CIT: variants seen among roughly 807,000 people sequenced by gnomAD.
CIT encodes citron Rho-interacting kinase.
Under a neutral mutation model 272.7 loss-of-function variants are expected in CIT, and 79 were observed. The observed-to-expected ratio is 0.29, with a 90% CI of 0.24 to 0.35. The LOEUF is 0.35. Ranked by LOEUF, CIT falls within the 10% of genes least tolerant of loss-of-function variation. CIT has a pLI of 1.00. For missense variants in CIT, 1,909 were observed against 2,618.3 expected (o/e 0.73, Z 5.91); for synonymous variants, 948 against 995.6 (o/e 0.95, Z 0.90).
intron 13 of CIT, chr12:119,782,084 A>G (rs1964346292): frequency 6.5e-6 from 1 of 153,402 alleles, no homozygotes; most frequent in Non-Finnish European, 1.5e-5. Context: ...CACTTTATTT[A>G]TGGAGACTGA....
At chr12:119,874,885 CAAAA>C (rs199568006) in intron 2 of CIT, among the ~76,000 whole-genome samples, 1 of 74,374 alleles carries the variant, frequency 1.3e-5, no homozygotes, top group Non-Finnish European at 2.9e-5. Context: ...GACTCTGTCT[CAAAA>C]AAAAAAAAAA....
At position 119,858,820 on chromosome 12, in the gene CIT, T is replaced by TG. The variant is rs1566136683; in HGVS notation, c.239-1123_239-1122insC. On this transcript the variant is annotated intron_variant, in intron 3 of 47. Coordinates refer to ENST00000392521, the MANE Select transcript of CIT (RefSeq NM_001206999.2). The stretch of plus-strand genomic sequence containing the variant: ...CTGAGTGACAGAGCGAGACTCCATC[T>TG]CAAAAAAAAAAAACAGCGTGGTGGG... 1.4e-3 allele frequency among the ~76,000 whole-genome samples: 203 copies of TG among 146,394 alleles called. 1 individual carries two copies. The highest frequency in any genetic ancestry group is 4.4e-3 in the African/African-American group (168 of 38,582).
chr12:119,767,186 GAC>G lies in CIT; in HGVS notation c.2209-6_2209-5del, dbSNP rs765245518. On this transcript the variant is annotated splice_polypyrimidine_tract_variant and splice_region_variant and intron_variant, in intron 18 of 47. Coordinates refer to ENST00000392521, the MANE Select transcript of CIT (RefSeq NM_001206999.2). ...CCCGATGTTTCTCTTCGAGCTCCTA[GAC>G]ACAAAAGAAAAGACAGTCAGGTGTG... is the stretch of plus-strand genomic sequence containing the variant. 4.1e-5 allele frequency: 65 copies of G among 1,604,622 alleles called. No individual in the cohort carries two copies. In the Middle Eastern group the frequency reaches 5.0e-4, roughly 12 times the overall value.
intron 23 of CIT, among the ~76,000 whole-genome samples, chr12:119,750,433 C>A (rs1235479507): frequency 1.3e-5 from 2 of 152,148 alleles, no homozygotes; most frequent in Non-Finnish European, 2.9e-5. Context: ...CACTGTGAAA[C>A]AAGACAGTAT....
At chr12:119,854,485 C>T (rs1297136797) in intron 4 of CIT, among the ~76,000 whole-genome samples, 2 of 151,016 alleles carry the variant, frequency 1.3e-5, no homozygotes, top group Non-Finnish European at 3.0e-5. Flanking sequence ...TAAAAAGATA[C>T]AAAAAACATT....
At chr12:119,873,744 C>T (rs1470873992) in intron 2 of CIT, among the ~76,000 whole-genome samples, 4 of 149,808 alleles carry the variant, frequency 2.7e-5, no homozygotes, top group African/African-American at 9.9e-5. Flanking sequence ...TTTGTTTCCA[C>T]TCTCATCTGT....
chr12:119,857,051 G>A (rs1021467942), intron 4 of CIT, among the ~76,000 whole-genome samples: 5 of 152,076 alleles, frequency 3.3e-5, no homozygotes, highest in East Asian at 3.8e-4. Flanking sequence ...AAAAGATAAC[G>A]TTCTACCTGC....
chr12:119,710,353 C>A lies in CIT; in HGVS notation c.4969G>T (p.Ala1657Ser), dbSNP rs749790889. Reference protein sequence around the residue: ...VLVGTEEGLYALNVLKNSLTH... With the variant: ...VLVGTEEGLYSLNVLKNSLTH... Reference sequence around the variant, plus strand: ...AGGGAGTTTTTCAAGACATTCAGGGCGTAGAGCCCTTCCTCGGTGCCCACC... The same window carrying A: ...AGGGAGTTTTTCAAGACATTCAGGGAGTAGAGCCCTTCCTCGGTGCCCACC... Residue 1657 changes from alanine (A) to serine (S), a missense_variant, in exon 39 of 48, where the codon GCC becomes TCC. Ala to Ser is a moderately conservative substitution (Grantham distance 99, BLOSUM62 1). Around this residue, in one of 8 missense-constraint regions of CIT, gnomAD observed 780 missense variants for 1,067.2 expected, o/e 0.73. Coordinates refer to ENST00000392521, the MANE Select transcript of CIT (RefSeq NM_001206999.2). The surrounding 1 kb of genome is among the most constrained non-coding windows in gnomAD (Gnocchi z 5.6). The A allele has an allele frequency of 1.2e-6, 2 of 1,614,166 alleles. No individual in the cohort carries two copies. The highest frequency in any genetic ancestry group is 1.1e-5 in the South Asian group (1 of 91,086).
chr12:119,698,610 A>G (rs937380844), intron 44 of CIT, among the ~76,000 whole-genome samples: 3 of 150,708 alleles, frequency 2.0e-5, no homozygotes, highest in Admixed American at 1.3e-4. Flanking sequence ...AAAAAAAATT[A>G]TAATACATCT....
At chr12:119,733,544 CA>C (rs1156258513) in intron 26 of CIT, among the ~76,000 whole-genome samples, 7 of 134,570 alleles carry the variant, frequency 5.2e-5, no homozygotes, top group Admixed American at 1.4e-4. Context: ...AAAAAAAAAA[CA>C]AAAAAAACCC....
chr12:119,866,020 C>T (rs1012920759), intron 3 of CIT, among the ~76,000 whole-genome samples: 4 of 152,056 alleles, frequency 2.6e-5, no homozygotes, highest in Non-Finnish European at 4.4e-5. Flanking sequence ...AACCACGCAT[C>T]CCCCATTCCA....
Position 119,784,937 on chromosome 12 carries a change from A to C in CIT, c.1401+23T>G, listed in dbSNP as rs764898013. On this transcript the variant is annotated intron_variant, in intron 11 of 47. Transcript: ENST00000392521. This position sits in a 1 kb window ranked among gnomAD's most constrained non-coding sequence, Gnocchi z 4.7. ...CGGGAGGATCCTGGAGCAAGGAAGG[A>C]GGCCGGCTGCGGAAATAAATACCTT... is the stretch of plus-strand genomic sequence containing the variant. The C allele has an allele frequency of 6.2e-7, 1 of 1,613,568 alleles. No homozygotes were observed. The highest frequency in any genetic ancestry group is 1.1e-5 in the South Asian group (1 of 90,948).
At chr12:119,762,350 T>C (rs1041066886) in intron 19 of CIT, among the ~76,000 whole-genome samples, 1 of 152,234 alleles carries the variant, frequency 6.6e-6, no homozygotes, top group African/African-American at 2.4e-5. Flanking sequence ...CTCTCTTGGA[T>C]GTCTGAGCAT....
At chr12:119,704,305 C>T (rs1019491454) in intron 41 of CIT, 58 bp downstream of exon 41, 13 of 1,512,188 alleles carry the variant, frequency 8.6e-6, no homozygotes, top group Non-Finnish European at 1.2e-5. Flanking sequence ...CACACTGGCT[C>T]GCTGAGAGAG....
intron 1 of CIT, among the ~76,000 whole-genome samples, chr12:119,876,816 A>G (rs1950864126): frequency 6.6e-6 from 1 of 152,200 alleles, no homozygotes; most frequent in African/African-American, 2.4e-5. Flanking sequence ...GACGGACTGG[A>G]GCAGAGCGAA....
At chr12:119,792,942 C>A (rs1046763150) in intron 10 of CIT, among the ~76,000 whole-genome samples, 54 of 151,940 alleles carry the variant, frequency 3.6e-4, no homozygotes, top group Non-Finnish European at 6.2e-4. Context: ...AGCCTGGCGA[C>A]AGAGTGAGAC....
intron 9 of CIT, among the ~76,000 whole-genome samples, chr12:119,817,479 T>C (rs1053220420): frequency 2.0e-5 from 3 of 151,924 alleles, no homozygotes; most frequent in African/African-American, 7.3e-5. Flanking sequence ...GCCACTGCAC[T>C]CCGGCCTGGG....
chr12:119,737,956 T>C (rs1218111998), intron 24 of CIT, among the ~76,000 whole-genome samples: 1 of 152,198 alleles, frequency 6.6e-6, no homozygotes, highest in Non-Finnish European at 1.5e-5. Context: ...TTAAACTGAC[T>C]TATGACATAG....
chr12:119,864,400 A>C (rs1950457319), intron 3 of CIT, among the ~76,000 whole-genome samples: 1 of 152,110 alleles, frequency 6.6e-6, no homozygotes, highest in African/African-American at 2.4e-5. Context: ...CAGTGGCACA[A>C]TCTTGGCTTA....
Sources: allele counts gnomAD v4.1 joint callset (sites outside exome capture counted in the v4.1 genomes callset), GRCh38; gene constraint gnomAD v4.1.1; regional missense constraint gnomAD v4.1.1; non-coding constraint Gnocchi (gnomAD v3.1); transcripts MANE v1.5; gene names NCBI Gene and HGNC (gene_info 2026-07-23, HGNC 2026-07-21).